The following NUAK1 variants were observed in gnomAD, a reference collection of about 807,000 sequenced individuals.
NUAK1 encodes NUAK family SNF1-like kinase 1.
NUAK1 carries 26 observed loss-of-function variants against 56.9 expected under a neutral mutation model. The observed-to-expected ratio is 0.46, with a 90% CI of 0.33 to 0.63. The LOEUF (loss-of-function observed/expected upper bound fraction) is 0.63. Among genes scored for constraint, NUAK1 ranks in the 30% least tolerant of loss-of-function variants. The pLI, the probability that NUAK1 is intolerant of heterozygous loss-of-function variation, is 0.02. For missense variants in NUAK1, 727 were observed against 876.1 expected (o/e 0.83, Z 2.15); for synonymous variants, 337 against 336.0 (o/e 1.00, Z -0.03).
chr12:106,116,186 C>G (rs1193262055), intron 1 of NUAK1, among the ~76,000 whole-genome samples: 1 of 152,140 alleles, frequency 6.6e-6, no homozygotes, highest in Non-Finnish European at 1.5e-5. Flanking sequence ...AAATGGAGCC[C>G]AAGTATTAAG....
intron 4 of NUAK1, among the ~76,000 whole-genome samples, chr12:106,073,346 C>A (rs2032425595): frequency 6.6e-6 from 1 of 152,112 alleles, no homozygotes; most frequent in African/African-American, 2.4e-5. Context: ...CCACTCACAC[C>A]CTGATCAGAA....
chr12:106,115,493 A>G (rs1361584336), intron 1 of NUAK1, among the ~76,000 whole-genome samples: 1 of 152,172 alleles, frequency 6.6e-6, no homozygotes, highest in Non-Finnish European at 1.5e-5. Context: ...GCCTCTGGAG[A>G]GCACTCAGGA....
chr12:106,075,974 T>C (rs2032461053), intron 4 of NUAK1, among the ~76,000 whole-genome samples: 1 of 152,214 alleles, frequency 6.6e-6, no homozygotes, highest in African/African-American at 2.4e-5. Context: ...GTGATACTGG[T>C]TTTCCACTTA....
At chr12:106,094,066 C>T (rs1421247328) in intron 2 of NUAK1, among the ~76,000 whole-genome samples, 3 of 152,114 alleles carry the variant, frequency 2.0e-5, no homozygotes, top group African/African-American at 7.2e-5. Context: ...ACCTCAGCCT[C>T]CCAAAGTGCT....
chr12:106,089,606 G>A (rs937421841), intron 2 of NUAK1, among the ~76,000 whole-genome samples: 1 of 152,152 alleles, frequency 6.6e-6, no homozygotes, highest in Non-Finnish European at 1.5e-5. Flanking sequence ...TGGCCAACAT[G>A]GTGAAACCCC....
intron 1 of NUAK1, 64 bp from the exon 2 acceptor site, chr12:106,106,589 G>A: frequency 2.0e-6 from 3 of 1,529,950 alleles, no homozygotes; most frequent in Non-Finnish European, 2.6e-6. Context: ...GCCATTGGGG[G>A]AGTTTGGAAA....
At position 106,066,985 on chromosome 12, in the gene NUAK1, G is replaced by A. The variant is rs149780357; in HGVS notation, c.1803C>T (p.Cys601=). 492 of 1,614,238 alleles carry A rather than the reference G, an allele frequency of 3.0e-4. 2 individuals are homozygous for A. Among genetic ancestry groups the A allele is most frequent in the South Asian group, 2.1e-3 (193 of 91,084 alleles). ...NRPARQRIRS[C]VSAENFLQIQ... ...TCTGGAGGAAGTTTTCTGCAGAGAC[G>A]CAGCTGCGGATGCGCTGGCGGGCAG... is the stretch of plus-strand genomic sequence containing the variant. The change falls in exon 7 of 7, where the codon TGC becomes TGT. Residue 601 remains cysteine (C), a synonymous_variant. Coordinates refer to ENST00000261402, the MANE Select transcript of NUAK1 (RefSeq NM_014840.3).
At chr12:106,076,050 A>T (rs917114458) in intron 4 of NUAK1, among the ~76,000 whole-genome samples, 1 of 152,272 alleles carries the variant, frequency 6.6e-6, no homozygotes, top group African/African-American at 2.4e-5. Flanking sequence ...AACTCAACAA[A>T]AATATTAAGT....
At chr12:106,069,146 C>A (rs893704780) in intron 6 of NUAK1, among the ~76,000 whole-genome samples, 1 of 152,200 alleles carries the variant, frequency 6.6e-6, no homozygotes, top group Non-Finnish European at 1.5e-5. Context: ...TCTGTATTTG[C>A]AAATTTGCCT....
chr12:106,092,846 C>T (rs1026258328), intron 2 of NUAK1, among the ~76,000 whole-genome samples: 1 of 152,228 alleles, frequency 6.6e-6, no homozygotes, highest in Admixed American at 6.5e-5. Context: ...CCACCCCCTT[C>T]CTCCATCATA....
At chr12:106,085,227 A>G (rs928147061) in intron 3 of NUAK1, among the ~76,000 whole-genome samples, 2 of 152,262 alleles carry the variant, frequency 1.3e-5, no homozygotes, top group African/African-American at 4.8e-5. Flanking sequence ...TACAGAATCC[A>G]AGTGTTCACA....
rs560849628 is a variant in NUAK1 at position 106,125,661 on chromosome 12, A to G, written c.240+12753T>C. 2.0e-5 allele frequency among the ~76,000 whole-genome samples: 3 copies of G among 152,332 alleles called. No homozygotes were observed. The South Asian group carries it at 6.2e-4, about 32-fold the overall frequency. On this transcript the variant is annotated intron_variant, in intron 1 of 6. Coordinates refer to ENST00000261402, the MANE Select transcript of NUAK1 (RefSeq NM_014840.3). ...GCTCTGGACCTTCCTACACAACCAA[A>G]TAAGTGGAGATTTCCACTTCATTTT...
chr12:106,104,254 TGGG>T (rs2032777756), intron 2 of NUAK1: 3 of 152,082 alleles, frequency 2.0e-5, no homozygotes, highest in Non-Finnish European at 2.9e-5. Context: ...TTAGGAGAGA[TGGG>T]GTTTCACCAT....
chr12:106,065,671 A>C lies in NUAK1; in HGVS notation c.*1131T>G, dbSNP rs2032329314. On this transcript the variant is annotated 3_prime_UTR_variant, in exon 7 of 7. Coordinates refer to ENST00000261402, the MANE Select transcript of NUAK1 (RefSeq NM_014840.3). ...TCAGTGGATGGGGAAACCATCTGTC[A>C]CTGGTGAACAGAGCCAATGGTTCAG... 6.6e-6 allele frequency: 1 copy of C among 152,620 alleles called. No homozygotes were observed. The highest frequency in any genetic ancestry group is 6.5e-5 in the Admixed American group (1 of 15,274). The allele number at this position is 152,620 out of a possible 1,614,324, so 9.5% of individuals were successfully genotyped here.
At chr12:106,124,644 G>A (rs952501310) in intron 1 of NUAK1, among the ~76,000 whole-genome samples, 5 of 152,160 alleles carry the variant, frequency 3.3e-5, no homozygotes, top group African/African-American at 7.2e-5. Context: ...GAGCAGAAAC[G>A]TCATCTGTCT....
chr12:106,114,285 C>G (rs1360127419), intron 1 of NUAK1, among the ~76,000 whole-genome samples: 1 of 152,192 alleles, frequency 6.6e-6, no homozygotes, highest in Non-Finnish European at 1.5e-5. Flanking sequence ...GCCAGTACTG[C>G]TAAGAAATCC....
intron 5 of NUAK1, among the ~76,000 whole-genome samples, chr12:106,071,264 G>A (rs1028642928): frequency 2.0e-5 from 3 of 152,222 alleles, no homozygotes; most frequent in African/African-American, 7.2e-5. Flanking sequence ...AACCTAAATG[G>A]TTTCTCCAGA....
rs2032544094 is a variant in NUAK1, at chr12:106,083,856, G to A, written c.579+8C>T. On this transcript the variant is annotated splice_region_variant and intron_variant, in intron 4 of 6. Transcript: ENST00000261402. ...CCTGCATATCAATCGACGACGCAAG[G>A]GCTTTACCTTAATATTGCAGTTGTC... is the stretch of plus-strand genomic sequence containing the variant. 1 of 1,613,532 alleles carries A rather than the reference G, an allele frequency of 6.2e-7. No individual in the cohort carries two copies. Among genetic ancestry groups the A allele is most frequent in the Admixed American group, 1.7e-5 (1 of 59,982 alleles).
intron 2 of NUAK1, among the ~76,000 whole-genome samples, chr12:106,101,698 C>T (rs2032750156): frequency 1.3e-5 from 2 of 152,224 alleles, no homozygotes; most frequent in East Asian, 3.8e-4. Context: ...CAAACTAATA[C>T]ATCCAGCAAG....
Sources: gnomAD v4.1 joint callset for allele counts (sites outside exome capture counted in the v4.1 genomes callset) on GRCh38, gnomAD v4.1.1 for gene constraint, MANE v1.5 for transcripts, NCBI Gene and HGNC (gene_info 2026-07-23, HGNC 2026-07-21) for gene names.